FBN2: variants seen among roughly 807,000 people sequenced by gnomAD.
FBN2 encodes fibrillin 2, also known as fibrillin-2.
Under a neutral mutation model 355.6 loss-of-function variants are expected in FBN2, and 105 were observed. The ratio of observed to expected loss-of-function variants is 0.30; its 90% CI spans 0.25 to 0.35. FBN2 has a LOEUF of 0.35. FBN2 is among the 10% of genes least tolerant of loss of function. FBN2 has a pLI of 1.00. For missense variants in FBN2, 3,280 were observed against 3,758.7 expected, an observed-to-expected ratio of 0.87 and a Z score of 3.33; for synonymous variants, 1,350 against 1,301.2, an observed-to-expected ratio of 1.04 and a Z score of -0.81.
At chr5:128,285,254 G>A (rs985055176) in intron 55 of FBN2, among the ~76,000 whole-genome samples, 3 of 150,928 alleles carry the variant, frequency 2.0e-5, no homozygotes, top group African/African-American at 7.3e-5. Context: ...TTTTTTTTGT[G>A]GCTTTATTTT....
chr5:128,274,576 C>T lies in FBN2; in HGVS notation c.7702G>A (p.Ala2568Thr). The change falls in exon 60 of 65, where the codon GCT becomes ACT. Residue 2568 changes from alanine to threonine, a missense_variant. Around this residue, in one of 6 missense-constraint regions of FBN2, gnomAD observed 2,284 missense variants for 2,749.5 expected, o/e 0.83. Transcript: ENST00000262464. Reference protein sequence around the residue: ...CPPGFTQHHTACIDNNECGSQ... With the variant: ...CPPGFTQHHTTCIDNNECGSQ... The stretch of plus-strand genomic sequence containing the variant: ...TGTAACTTTGTCTTACCGATACAAG[C>T]AGTGTGATGCTGTGTGAAACCAGGT... 1 of 1,587,518 alleles carries T rather than the reference C, an allele frequency of 6.3e-7. No individual in the cohort carries two copies. The highest frequency in any genetic ancestry group is 8.7e-7 in the Non-Finnish European group (1 of 1,155,780).
intron 4 of FBN2, among the ~76,000 whole-genome samples, chr5:128,521,645 T>C (rs1756436604): frequency 6.6e-6 from 1 of 152,252 alleles, no homozygotes; most frequent in African/African-American, 2.4e-5. Context: ...TTAAATGCTA[T>C]TGAGCTGTAG....
chr5:128,487,549 T>G (rs905209350), intron 5 of FBN2, among the ~76,000 whole-genome samples: 17 of 152,310 alleles, frequency 1.1e-4, no homozygotes, highest in African/African-American at 4.1e-4. Flanking sequence ...TATATTTGTT[T>G]TAAATTTTCC....
chr5:128,317,705 T>G (rs1442539492), intron 36 of FBN2, among the ~76,000 whole-genome samples: 1 of 152,208 alleles, frequency 6.6e-6, no homozygotes, highest in African/African-American at 2.4e-5. Context: ...CCCTGTCACC[T>G]TCCAACTTCT....
Position 128,345,351 on chromosome 5 carries a change from A to G in FBN2, c.3217+6T>C. ...AAGGACCAAGGCGCTGGCCGCAGGC[A>G]GTTACCTTTGTAAAATGGCCGCCCA... On this transcript the variant is annotated splice_donor_region_variant and intron_variant, in intron 24 of 64. Coordinates refer to ENST00000262464, the MANE Select transcript of FBN2 (RefSeq NM_001999.4). The G allele has an allele frequency of 1.2e-6, 2 of 1,611,888 alleles. No individual in the cohort carries two copies. Among genetic ancestry groups the G allele is most frequent in the Non-Finnish European group, 1.7e-6 (2 of 1,177,920 alleles).
Position 128,522,021 on chromosome 5 carries a change from CAAT to C in FBN2, c.533-2656_533-2654del, listed in dbSNP as rs372480966. 7.0e-4 allele frequency among the ~76,000 whole-genome samples: 107 copies of C among 152,034 alleles called. No individual in the cohort carries two copies. The East Asian group carries it at 0.019, about 27-fold the overall frequency. ...GGGTTTCTTGTTATTTTTAATGAATCAATAAATATTTTAAATTTCTCAATTTTA... is the reference window on the plus strand; with the variant it reads ...GGGTTTCTTGTTATTTTTAATGAATCAAATATTTTAAATTTCTCAATTTTA... On this transcript the variant is annotated intron_variant, in intron 4 of 64. Coordinates refer to ENST00000262464, the MANE Select transcript of FBN2 (RefSeq NM_001999.4).
At chr5:128,411,546 T>C (rs539321429) in intron 7 of FBN2, among the ~76,000 whole-genome samples, 198 of 152,322 alleles carry the variant, frequency 1.3e-3, no homozygotes, top group Admixed American at 3.5e-3. Context: ...TAGTCTCTGA[T>C]GTCCAGCTGC....
chr5:128,406,205 T>A (rs1309796942), intron 8 of FBN2, among the ~76,000 whole-genome samples: 1 of 152,224 alleles, frequency 6.6e-6, no homozygotes, highest in Admixed American at 6.5e-5. Flanking sequence ...AAACCTTGAA[T>A]GGAGCTGAAT....
chr5:128,405,968 C>T (rs1207650574), intron 8 of FBN2, among the ~76,000 whole-genome samples: 4 of 152,180 alleles, frequency 2.6e-5, no homozygotes, highest in African/African-American at 7.2e-5. Context: ...CCCACGGCGA[C>T]GTTTCTCCTA....
At chr5:128,283,865 T>C (rs146918597) in intron 55 of FBN2, among the ~76,000 whole-genome samples, 16 of 152,356 alleles carry the variant, frequency 1.1e-4, no homozygotes, top group Admixed American at 2.0e-4. Context: ...ACTAAGCTAA[T>C]TTACTTTAGT....
In FBN2 at chr5:128,377,792, A is replaced by G. The variant is rs1344104418; in HGVS notation, c.1809T>C (p.Asn603=). Residue 603 remains asparagine, a synonymous_variant, in exon 13 of 65, where the codon AAT becomes AAC. Coordinates refer to ENST00000262464, the MANE Select transcript of FBN2 (RefSeq NM_001999.4). ...NTDGSFQCIC[N]AGFELTTDGK... Reference sequence around the variant, plus strand: ...CATCTGTAGTTAATTCAAAGCCGGCATTGCAAATGCACTGGAAACTTCCAT... The same window carrying G: ...CATCTGTAGTTAATTCAAAGCCGGCGTTGCAAATGCACTGGAAACTTCCAT... The G allele has an allele frequency of 6.2e-7, 1 of 1,613,682 alleles. No homozygotes were observed.
chr5:128,297,043 G>C (rs1395602050), intron 48 of FBN2, among the ~76,000 whole-genome samples: 1 of 152,118 alleles, frequency 6.6e-6, no homozygotes, highest in Non-Finnish European at 1.5e-5. Context: ...TTGTGTCTTT[G>C]TTCTCGCTGG....
Position 128,311,884 on chromosome 5 carries a change from C to A in FBN2, c.4948+1G>T. 1 of 1,604,924 alleles carries A rather than the reference C, an allele frequency of 6.2e-7. No homozygotes were observed. The highest frequency in any genetic ancestry group is 1.1e-5 in the South Asian group (1 of 90,874). On this transcript the variant is annotated splice_donor_variant, in intron 38 of 64. Coordinates refer to ENST00000262464, the MANE Select transcript of FBN2 (RefSeq NM_001999.4). LOFTEE classifies it high-confidence loss of function. ...TCTGGGTGACAATGGGATTAGCTCA[C>A]CTTCTAAAATGATTGTGATGGGGTT...
At chr5:128,315,878 A>G (rs1006721126) in intron 36 of FBN2, among the ~76,000 whole-genome samples, 1 of 152,202 alleles carries the variant, frequency 6.6e-6, no homozygotes, top group Non-Finnish European at 1.5e-5. Context: ...CTGATTCTGA[A>G]GTTTGAAAAC....
In FBN2 at chr5:128,277,942, C is replaced by A. The variant is rs1053601562; in HGVS notation, c.7409G>T (p.Gly2470Val). The change falls in exon 58 of 65, where the codon GGC (glycine) becomes GTC (valine). Residue 2470 changes from glycine (G) to valine (V), a missense_variant. Physicochemically the swap from Gly to Val is moderately radical, Grantham distance 109 (BLOSUM62 -3). Transcript: ENST00000262464. Reference protein sequence around the residue: ...CTNGQCINTMGSFRCFCKVGY... With the variant: ...CTNGQCINTMVSFRCFCKVGY... ...AACCTTGCAGAAGCATCGGAATGAG[C>A]CCATGGTATTGATGCACTGACCATT... 1.2e-6 allele frequency: 2 copies of A among 1,613,798 alleles called. No individual in the cohort carries two copies. The highest frequency in any genetic ancestry group is 1.1e-5 in the South Asian group (1 of 91,086).
intron 5 of FBN2, among the ~76,000 whole-genome samples, chr5:128,491,580 T>C (rs976916805): frequency 5.9e-5 from 9 of 152,208 alleles, no homozygotes; most frequent in Admixed American, 3.3e-4. Flanking sequence ...GACACAATGC[T>C]GCCACTTAGT....
chr5:128,437,528 C>T (rs1043719210), intron 7 of FBN2, among the ~76,000 whole-genome samples: 1 of 151,984 alleles, frequency 6.6e-6, no homozygotes, highest in Non-Finnish European at 1.5e-5. Flanking sequence ...TATATGGGGG[C>T]CTCATAACCA....
At chr5:128,325,307 A>G (rs1308248656) in intron 34 of FBN2, among the ~76,000 whole-genome samples, 2 of 152,160 alleles carry the variant, frequency 1.3e-5, no homozygotes, top group Non-Finnish European at 2.9e-5. Context: ...GGGTGCATAT[A>G]TATTTAGGAC....
chr5:128,428,889 TCTCTCAC>T (rs1162616984), intron 7 of FBN2, among the ~76,000 whole-genome samples: 2 of 152,086 alleles, frequency 1.3e-5, no homozygotes, highest in Non-Finnish European at 2.9e-5. Context: ...AATCCTAAGG[TCTCTCAC>T]CTCTCACGGA....
Sources: allele counts gnomAD v4.1 joint callset (sites outside exome capture counted in the v4.1 genomes callset), GRCh38; gene constraint gnomAD v4.1.1; regional missense constraint gnomAD v4.1.1; transcripts MANE v1.5; gene names NCBI Gene and HGNC (gene_info 2026-07-23, HGNC 2026-07-21).